MDGA2: variants seen among roughly 807,000 people sequenced by gnomAD.
The protein encoded by MDGA2 is MAM domain-containing glycosylphosphatidylinositol anchor protein 2.
MDGA2 carries 40 observed loss-of-function variants against 117.8 expected under a neutral mutation model. The observed-to-expected ratio is 0.34, with a 90% CI of 0.26 to 0.44. The LOEUF (loss-of-function observed/expected upper bound fraction) is 0.44, where lower values mean the gene tolerates loss of function less well. MDGA2 is among the 20% of genes least tolerant of loss of function. MDGA2 has a pLI of 1.00. For synonymous variants in MDGA2, 452 were observed against 439.0 expected (o/e 1.03, Z -0.37); for missense variants, 1,123 against 1,250.6 (o/e 0.90, Z 1.54).
At chr14:47,162,802 G>A (rs1019534518) in intron 3 of MDGA2, among the ~76,000 whole-genome samples, 1 of 151,540 alleles carries the variant, frequency 6.6e-6, no homozygotes, top group Non-Finnish European at 1.5e-5. Flanking sequence ...AGCACTTCCT[G>A]TCCTAGGCCA....
At chr14:47,161,079 T>G (rs1883613573) in intron 3 of MDGA2, among the ~76,000 whole-genome samples, 1 of 152,182 alleles carries the variant, frequency 6.6e-6, no homozygotes, top group African/African-American at 2.4e-5. Context: ...TTTATTTTTC[T>G]TTTAAAATAA....
intron 1 of MDGA2, among the ~76,000 whole-genome samples, chr14:47,651,329 C>T (rs928756190): frequency 1.1e-4 from 17 of 151,668 alleles, no homozygotes; most frequent in African/African-American, 3.6e-4. Flanking sequence ...CAGACATTTT[C>T]GGAGCAATGG....
chr14:47,547,060 G>A (rs1219741233), intron 1 of MDGA2, among the ~76,000 whole-genome samples: 1 of 152,076 alleles, frequency 6.6e-6, no homozygotes, highest in Non-Finnish European at 1.5e-5. Context: ...ATGTTATTTA[G>A]GCCCATTCAG....
At chr14:47,052,793 C>A (rs537907740) in intron 7 of MDGA2, among the ~76,000 whole-genome samples, 1 of 151,762 alleles carries the variant, frequency 6.6e-6, no homozygotes, top group Admixed American at 6.6e-5. Flanking sequence ...AAGAAGATGC[C>A]GCATAATCTG....
intron 14 of MDGA2, among the ~76,000 whole-genome samples, chr14:46,856,364 A>G (rs1027473525): frequency 6.6e-6 from 1 of 152,126 alleles, no homozygotes; most frequent in Non-Finnish European, 1.5e-5. Context: ...CTTGATCAAG[A>G]TAAAATCAAT....
chr14:46,972,023 A>G (rs1179812741), intron 8 of MDGA2, among the ~76,000 whole-genome samples: 1 of 152,154 alleles, frequency 6.6e-6, no homozygotes, highest in African/African-American at 2.4e-5. Context: ...CCATGAGTTC[A>G]TCTAGTCAAC....
At chr14:47,363,419 G>A (rs1224088226) in intron 1 of MDGA2, among the ~76,000 whole-genome samples, 1 of 151,746 alleles carries the variant, frequency 6.6e-6, no homozygotes, top group Non-Finnish European at 1.5e-5. Context: ...CAACATACCC[G>A]GCTACTTTTT....
intron 1 of MDGA2, among the ~76,000 whole-genome samples, chr14:47,562,118 A>G (rs1443269643): frequency 1.3e-5 from 2 of 152,110 alleles, no homozygotes; most frequent in African/African-American, 2.4e-5. Flanking sequence ...GTGTTGCTGG[A>G]TTCAGTTTGG....
intron 16 of MDGA2, among the ~76,000 whole-genome samples, chr14:46,842,468 A>G (rs1880656472): frequency 6.6e-6 from 1 of 152,174 alleles, no homozygotes; most frequent in South Asian, 2.1e-4. Context: ...TTATGTGTAC[A>G]GAAATTAACT....
chr14:46,982,738 C>A (rs144260666), intron 8 of MDGA2, among the ~76,000 whole-genome samples: 13,853 of 119,464 alleles, frequency 0.12, 1,036 homozygotes, highest in Middle Eastern at 0.17. Context: ...AAAAAAAAAT[C>A]ATGTCATCTG....
chr14:47,646,918 C>T (rs974975727), intron 1 of MDGA2, among the ~76,000 whole-genome samples: 2 of 152,064 alleles, frequency 1.3e-5, no homozygotes, highest in African/African-American at 4.8e-5. Flanking sequence ...TCTCTGCTTC[C>T]CTTGGGCCAA....
At chr14:47,229,153 T>A (rs1233327403) in intron 2 of MDGA2, among the ~76,000 whole-genome samples, 1 of 152,138 alleles carries the variant, frequency 6.6e-6, no homozygotes, top group East Asian at 1.9e-4. Context: ...CTATTTTCTT[T>A]TTTTACACAT....
intron 1 of MDGA2, among the ~76,000 whole-genome samples, chr14:47,379,484 CAG>C (rs1248187815): frequency 1.3e-5 from 2 of 152,092 alleles, no homozygotes; most frequent in Non-Finnish European, 2.9e-5. Flanking sequence ...ATCTCACGTG[CAG>C]AGACACACAT....
rs1890671481 is a variant in MDGA2 at position 47,342,876 on chromosome 14, C to G, written c.281-41326G>C. The G allele has an allele frequency of 7.8e-6, 3 of 386,914 alleles. No individual in the cohort carries two copies. The Admixed American group carries it at 9.9e-5, about 13-fold the overall frequency. 24.0% of individuals were successfully genotyped at this position (386,914 alleles called of 1,614,324 possible). ...TCCTTAAACACTTAAAGGCTAGGTT[C>G]CGTGTGGGGGAAAAAAGAGGAAAGG... On this transcript the variant is annotated intron_variant, in intron 1 of 16. Transcript: ENST00000399232.
At chr14:47,426,653 T>C (rs1035230626) in intron 1 of MDGA2, among the ~76,000 whole-genome samples, 3 of 148,948 alleles carry the variant, frequency 2.0e-5, no homozygotes, top group African/African-American at 7.3e-5. Context: ...CTGTGTGTGA[T>C]ATGTAAATAT....
intron 1 of MDGA2, among the ~76,000 whole-genome samples, chr14:47,343,974 G>A (rs1323746291): frequency 6.6e-6 from 1 of 152,124 alleles, no homozygotes; most frequent in Non-Finnish European, 1.5e-5. Context: ...TCTTGGAAAA[G>A]AGTGTATACC....
chr14:47,337,749 GTATGA>G (rs966979906), intron 1 of MDGA2, among the ~76,000 whole-genome samples: 26 of 151,876 alleles, frequency 1.7e-4, no homozygotes, highest in African/African-American at 6.3e-4. Flanking sequence ...GTTTCATAAT[GTATGA>G]TATGATATTA....
intron 10 of MDGA2, among the ~76,000 whole-genome samples, chr14:46,895,586 C>A (rs35689607): frequency 0.13 from 19,037 of 151,852 alleles, 1,581 homozygotes; most frequent in Middle Eastern, 0.2. Context: ...ATTAGCTGGG[C>A]GTGGTGGCGG....
At chr14:47,644,753 G>A (rs530522126) in intron 1 of MDGA2, among the ~76,000 whole-genome samples, 55 of 151,764 alleles carry the variant, frequency 3.6e-4, no homozygotes, top group African/African-American at 9.7e-4. Context: ...ATGAGATGAC[G>A]GACATGCTAA....
Sources: allele counts gnomAD v4.1 joint callset (sites outside exome capture counted in the v4.1 genomes callset), GRCh38; gene constraint gnomAD v4.1.1; transcripts MANE v1.5; gene names NCBI Gene and HGNC (gene_info 2026-07-23, HGNC 2026-07-21).